The following FANCC variants were observed in gnomAD, a reference collection of about 807,000 sequenced individuals.
FANCC encodes FA complementation group C, also known as Fanconi anemia group C protein.
In FANCC, 55 loss-of-function variants were observed where a neutral mutation model predicts 71.3. The observed-to-expected ratio is 0.77, with a 90% confidence interval of 0.62 to 0.97. FANCC has a LOEUF of 0.97. FANCC is among the 50% of genes least tolerant of loss of function. The probability of loss-of-function intolerance (pLI) is 0.00; values close to 1 mark genes in which losing one functional copy is unlikely to be tolerated. For synonymous variants in FANCC, 275 were observed against 244.9 expected (o/e 1.12, Z -1.15); for missense variants, 678 against 670.9 (o/e 1.01, Z -0.12).
chr9:95,177,418 T>C (rs1826078530), intron 4 of FANCC, among the ~76,000 whole-genome samples: 1 of 152,224 alleles, frequency 6.6e-6, no homozygotes, highest in Non-Finnish European at 1.5e-5. Flanking sequence ...GACATGACTC[T>C]GCACCACTGT....
intron 4 of FANCC, among the ~76,000 whole-genome samples, chr9:95,222,397 T>C (rs545113378): frequency 2.0e-5 from 3 of 152,130 alleles, no homozygotes; most frequent in Non-Finnish European, 4.4e-5. Context: ...GAGTATATAC[T>C]ATATTATTAT....
At chr9:95,304,296 G>A (rs547594436) in intron 1 of FANCC, among the ~76,000 whole-genome samples, 1 of 152,270 alleles carries the variant, frequency 6.6e-6, no homozygotes, top group Admixed American at 6.5e-5. Context: ...AAGGATGAAT[G>A]ACAGTGAAGG....
chr9:95,228,741 T>C (rs568285599), intron 4 of FANCC, among the ~76,000 whole-genome samples: 1 of 151,840 alleles, frequency 6.6e-6, no homozygotes, highest in South Asian at 2.1e-4. Flanking sequence ...GTGACCCAAA[T>C]GGTACCCAGA....
intron 13 of FANCC, among the ~76,000 whole-genome samples, chr9:95,109,245 G>C (rs917421299): frequency 2.9e-4 from 44 of 152,116 alleles, no homozygotes; most frequent in African/African-American, 1.0e-3. Context: ...GTAACAGAAT[G>C]CTATTCCATG....
chr9:95,268,641 A>C (rs1232370595), intron 1 of FANCC, among the ~76,000 whole-genome samples: 1 of 152,244 alleles, frequency 6.6e-6, no homozygotes, highest in African/African-American at 2.4e-5. Flanking sequence ...AAATCTTGGA[A>C]AACTGGTAAC....
intron 4 of FANCC, among the ~76,000 whole-genome samples, chr9:95,235,662 T>A (rs926521968): frequency 5.3e-5 from 8 of 151,852 alleles, no homozygotes; most frequent in African/African-American, 1.9e-4. Flanking sequence ...CCGACCAACA[T>A]GGAGAAACCC....
chr9:95,175,308 A>G (rs1825945109), intron 4 of FANCC, among the ~76,000 whole-genome samples: 1 of 152,228 alleles, frequency 6.6e-6, no homozygotes, highest in South Asian at 2.1e-4. Context: ...AATAAAAACA[A>G]CAACAAAAAA....
In FANCC at chr9:95,099,887, G is replaced by A. The variant is rs1397836206; in HGVS notation, c.*1820C>T. On this transcript the variant is annotated 3_prime_UTR_variant, in exon 15 of 15. Coordinates refer to ENST00000289081, the MANE Select transcript of FANCC (RefSeq NM_000136.3). ...CCAGGAGAAGGAAGGAAGGGGCATG[G>A]GCAGAGGCCTGGCAGGGGAGGAGGA... 2 of 233,400 alleles carry A rather than the reference G, an allele frequency of 8.6e-6. No individual in the cohort carries two copies. The highest frequency in any genetic ancestry group is 2.2e-5 in the African/African-American group (1 of 45,330). 14.5% of individuals were successfully genotyped at this position (233,400 alleles called of 1,614,324 possible).
chr9:95,265,052 G>T (rs1832304600), intron 1 of FANCC, among the ~76,000 whole-genome samples: 1 of 150,102 alleles, frequency 6.7e-6, no homozygotes, highest in Admixed American at 6.6e-5. Flanking sequence ...AGAAACAAAT[G>T]GTATTTTTCC....
At chr9:95,237,877 G>A (rs1667571502) in intron 4 of FANCC, among the ~76,000 whole-genome samples, 1 of 152,180 alleles carries the variant, frequency 6.6e-6, no homozygotes, top group Non-Finnish European at 1.5e-5. Flanking sequence ...ATGATTAAAT[G>A]TTGAAATGAT....
chr9:95,149,866 C>T (rs933303469), intron 7 of FANCC, 57 bp downstream of exon 7: 3 of 1,542,026 alleles, frequency 1.9e-6, no homozygotes, highest in Admixed American at 2.0e-5. Flanking sequence ...CAACACACCA[C>T]AGCCTTCTAA....
intron 4 of FANCC, among the ~76,000 whole-genome samples, chr9:95,183,002 G>A (rs904964375): frequency 5.9e-5 from 9 of 152,004 alleles, no homozygotes; most frequent in South Asian, 4.2e-4. Context: ...GCCCGCCTGC[G>A]CAAACTCACT....
intron 1 of FANCC, chr9:95,292,395 C>A (rs1030673629): frequency 9.6e-7 from 1 of 1,040,924 alleles, no homozygotes; most frequent in East Asian, 7.1e-5. Flanking sequence ...GGCGGGTGCC[C>A]GCGCCGTCCC....
At chr9:95,280,306 C>T (rs1374100826) in intron 1 of FANCC, among the ~76,000 whole-genome samples, 1 of 152,044 alleles carries the variant, frequency 6.6e-6, no homozygotes, top group African/African-American at 2.4e-5. Flanking sequence ...AAGGGAGAAA[C>T]AGACAATTGA....
chr9:95,229,583 G>A (rs1268290967), intron 4 of FANCC, among the ~76,000 whole-genome samples: 1 of 152,196 alleles, frequency 6.6e-6, no homozygotes, highest in Non-Finnish European at 1.5e-5. Flanking sequence ...CTGAGTTAAG[G>A]AAGCCTGGAG....
intron 4 of FANCC, among the ~76,000 whole-genome samples, chr9:95,213,010 G>C (rs1828604576): frequency 6.6e-6 from 1 of 152,198 alleles, no homozygotes; most frequent in African/African-American, 2.4e-5. Context: ...TGTCTGAACT[G>C]AGATAAGCTA....
rs144420702 is a variant in FANCC, at chr9:95,113,428, A to C, written c.1154+1201T>G. Among the ~76,000 whole-genome samples the C allele has an allele frequency of 2.0e-5, 3 of 152,290 alleles. No homozygotes were observed. In the East Asian group the frequency reaches 5.8e-4, roughly 29 times the overall value. On this transcript the variant is annotated intron_variant, in intron 12 of 14. Coordinates refer to ENST00000289081, the MANE Select transcript of FANCC (RefSeq NM_000136.3). ...AGCCAAAGAGTGTTATGATACAAGG[A>C]ATTTAGCAAGGCATAAATGTGAATG...
chr9:95,112,080 A>C (rs182402770), intron 12 of FANCC, among the ~76,000 whole-genome samples: 6 of 152,360 alleles, frequency 3.9e-5, no homozygotes, highest in Admixed American at 1.3e-4. Context: ...ATATTTCAGC[A>C]ACTACGAATT....
intron 4 of FANCC, among the ~76,000 whole-genome samples, chr9:95,225,335 C>T (rs1445085945): frequency 1.3e-5 from 2 of 152,204 alleles, no homozygotes; most frequent in African/African-American, 4.8e-5. Flanking sequence ...AGGAGCATTA[C>T]TCAGGCAATT....
Sources: allele counts gnomAD v4.1 joint callset (sites outside exome capture counted in the v4.1 genomes callset), GRCh38; gene constraint gnomAD v4.1.1; transcripts MANE v1.5; gene names NCBI Gene and HGNC (gene_info 2026-07-23, HGNC 2026-07-21).